CPZ: variants seen among roughly 807,000 people sequenced by gnomAD.
CPZ encodes the protein VEZT/CPZ fusion.
CPZ carries 103 observed loss-of-function variants against 61.8 expected under a neutral mutation model. That is an observed-to-expected ratio of 1.67 (90% confidence interval 1.42 to 1.96). CPZ has a LOEUF of 1.96. Ranked by LOEUF, CPZ falls within the 30% of genes most tolerant of loss-of-function variation. The probability of loss-of-function intolerance (pLI) is 0.00; values close to 1 mark genes in which losing one functional copy is unlikely to be tolerated. For synonymous variants in CPZ, 551 were observed against 373.7 expected (o/e 1.47, Z -5.47); for missense variants, 1,461 against 914.9 (o/e 1.60, Z -7.70).
rs749630231 is a variant in CPZ at position 8,612,084 on chromosome 4, T to C, written c.1285T>C (p.Ser429Pro). Residue 429 changes from serine to proline, a missense_variant, in exon 8 of 11, where the codon TCG becomes CCG. Ser to Pro is a moderately conservative substitution (Grantham distance 74, BLOSUM62 -1). Coordinates refer to ENST00000360986, the MANE Select transcript of CPZ (RefSeq NM_001014447.3). The stretch of plus-strand genomic sequence containing the variant: ...CGTCCACCCCATGATGATGGACAGG[T>C]CGGAGAATAGGTGTGGAGGCAATTT... ...ADVHPMMMDR[S>P]ENRCGGNFLK... is the part of the protein sequence containing the mutation. The C allele has an allele frequency of 3.1e-6, 5 of 1,613,484 alleles. No homozygotes were observed. The highest frequency in any genetic ancestry group is 4.2e-6 in the Non-Finnish European group (5 of 1,179,876).
intron 9 of CPZ, among the ~76,000 whole-genome samples, chr4:8,615,899 C>A (rs893927009): frequency 6.6e-6 from 1 of 152,240 alleles, no homozygotes; most frequent in African/African-American, 2.4e-5. Flanking sequence ...TAAAATGGAA[C>A]ATTCTGCCAT....
intron 8 of CPZ, 111 bp from the exon 9 acceptor site, chr4:8,614,248 G>A (rs890275972): frequency 2.6e-5 from 37 of 1,432,156 alleles, no homozygotes; most frequent in African/African-American, 1.5e-4. Flanking sequence ...CTGTCTCTGC[G>A]CGGCTGACAC....
Position 8,619,240 on chromosome 4 carries a change from T to C in CPZ, c.1604-22T>C, listed in dbSNP as rs1315470430. The C allele has an allele frequency of 1.6e-5, 25 of 1,581,826 alleles. No homozygotes were observed. In the East Asian group the frequency reaches 5.6e-4, roughly 36 times the overall value. ...GGGTCTGCAGTCCTCGTGAGAATCA[T>C]TTTTAATCTATTTGTCCACAGCCCC... On this transcript the variant is annotated intron_variant, in intron 10 of 10. Coordinates refer to ENST00000360986, the MANE Select transcript of CPZ (RefSeq NM_001014447.3).
Position 8,619,617 on chromosome 4 carries a change from G to C in CPZ, c.1959G>C (p.Ter653TyrextTer39). ...GGCCACGCTGGCTGCTCAAGTACTA[G>C]CCCCGGCCCCAGCACCCGCCAGGAT... ...THRPRWLLKY[*>Y] Residue 653 changes from the stop codon to tyrosine (Y), a stop_lost, in exon 11 of 11, where the codon TAG becomes TAC. Coordinates refer to ENST00000360986, the MANE Select transcript of CPZ (RefSeq NM_001014447.3). 1 of 1,487,740 alleles carries C rather than the reference G, an allele frequency of 6.7e-7. No homozygotes were observed. Among genetic ancestry groups the C allele is most frequent in the Non-Finnish European group, 8.9e-7 (1 of 1,120,622 alleles). 92.2% of individuals were successfully genotyped at this position (1,487,740 alleles called of 1,614,324 possible).
At chr4:8,618,618 T>C (rs1365923018) in intron 10 of CPZ, 90 bp downstream of exon 10, 3 of 1,229,586 alleles carry the variant, frequency 2.4e-6, no homozygotes. Context: ...ACTCACAGTG[T>C]GCCCAGCCCT....
chr4:8,613,693 A>G (rs577360916), intron 8 of CPZ, among the ~76,000 whole-genome samples: 3 of 152,310 alleles, frequency 2.0e-5, no homozygotes, highest in African/African-American at 7.2e-5. Flanking sequence ...AAGAAGCTCC[A>G]AGAGCAGATG....
chr4:8,607,556 C>G (rs1715145490), intron 7 of CPZ, 131 bp downstream of exon 7: 4 of 1,012,446 alleles, frequency 4.0e-6, no homozygotes, highest in Non-Finnish European at 5.6e-6. Flanking sequence ...CGGGTCAGCA[C>G]CACCTGCTCC....
chr4:8,607,512 T>C, intron 7 of CPZ, 87 bp downstream of exon 7: 1 of 1,471,998 alleles, frequency 6.8e-7, no homozygotes. Context: ...CTGAGCTCAG[T>C]GAAGGCAAAG....
intron 9 of CPZ, chr4:8,618,219 G>C (rs906548057): frequency 6.9e-6 from 4 of 581,766 alleles, no homozygotes; most frequent in African/African-American, 1.9e-5. Context: ...GAACGTGCTC[G>C]GGTCAATTGC....
intron 7 of CPZ, among the ~76,000 whole-genome samples, chr4:8,610,794 C>T (rs990016448): frequency 1.8e-4 from 28 of 152,146 alleles, no homozygotes; most frequent in Non-Finnish European, 2.9e-5. Flanking sequence ...AACCACAGGG[C>T]CTGAGTGGGG....
chr4:8,604,353 A>G (rs16842643), intron 4 of CPZ, among the ~76,000 whole-genome samples, 165 bp downstream of exon 4: 22,249 of 152,310 alleles, frequency 0.15, 2,095 homozygotes, highest in African/African-American at 0.26. Flanking sequence ...ATGTGCAACC[A>G]CTATATGTAT....
chr4:8,609,153 C>G lies in CPZ; in HGVS notation c.1227+1728C>G, dbSNP rs1366825479. Among the ~76,000 whole-genome samples, 5 of 150,184 alleles carry G rather than the reference C, an allele frequency of 3.3e-5. No homozygotes were observed. In the South Asian group the frequency reaches 1.1e-3, roughly 32 times the overall value. On this transcript the variant is annotated intron_variant, in intron 7 of 10. Transcript: ENST00000360986. ...TCACTCATTTACTCATTCACCCACT[C>G]CCTCACTCATTCACTCACCCATTCA...
At position 8,611,059 on chromosome 4, in the gene CPZ, CTCACTCATTCACTCATTCATTCGCTCAT is replaced by C. The variant is rs879519294; in HGVS notation, c.1228-960_1228-933del. ...TTTCACTTGCTCACGCATTCGCTCACTCACTCATTCACTCATTCATTCGCTCATTCACTCACTCACTCACTCACTCACT... is the reference window on the plus strand; with the variant it reads ...TTTCACTTGCTCACGCATTCGCTCACTCACTCACTCACTCACTCACTCACT... On this transcript the variant is annotated intron_variant, in intron 7 of 10. Coordinates refer to ENST00000360986, the MANE Select transcript of CPZ (RefSeq NM_001014447.3). 4.2e-4 allele frequency: 158 copies of C among 378,544 alleles called. 2 individuals carry two copies. The highest frequency in any genetic ancestry group is 4.0e-4 in the South Asian group (21 of 53,030). The allele number at this position is 378,544 out of a possible 1,614,324, so 23.4% of individuals were successfully genotyped here.
chr4:8,601,494 CG>C lies in CPZ; in HGVS notation c.496+1del. ...EGCYDPLEKLRGGLEADEALP... is the reference protein window; with the variant it reads ...EGCYDPLEKLXGGLEADEALP... ...CTGCTATGACCCGCTGGAGAAGCTT[CG>C]GGGTAAGGGAAAGTGGCGGGGGCCT... On this transcript the variant is annotated frameshift_variant and splice_region_variant, in exon 3 of 11. Coordinates refer to ENST00000360986, the MANE Select transcript of CPZ (RefSeq NM_001014447.3). LOFTEE classifies it high-confidence loss of function. 6.8e-7 allele frequency: 1 copy of C among 1,473,504 alleles called. No individual in the cohort carries two copies. Among genetic ancestry groups the C allele is most frequent in the Non-Finnish European group, 9.0e-7 (1 of 1,110,590 alleles). The allele number at this position is 1,473,504 out of a possible 1,614,324, so 91.3% of individuals were successfully genotyped here.
intron 1 of CPZ, among the ~76,000 whole-genome samples, chr4:8,596,534 A>C (rs1428866471): frequency 6.6e-6 from 1 of 152,166 alleles, no homozygotes; most frequent in Non-Finnish European, 1.5e-5. Context: ...GTCACAGGGG[A>C]TAGTCCTGCT....
intron 7 of CPZ, 47 bp from the exon 8 acceptor site, chr4:8,611,980 G>A (rs766928890): frequency 5.8e-5 from 93 of 1,612,318 alleles, no homozygotes; most frequent in Admixed American, 1.8e-4. Context: ...CTCACAGGAC[G>A]TCCTGCAGGG....
chr4:8,604,255 G>C, intron 4 of CPZ, 67 bp downstream of exon 4: 1 of 1,416,050 alleles, frequency 7.1e-7, no homozygotes. Flanking sequence ...CTCCACCTTC[G>C]GGTGCACAAG....
chr4:8,606,005 G>A lies in CPZ; in HGVS notation c.726G>A (p.Lys242=). ...GQHELMEPEV[K]LIGNIHGNEV... ...TGCCCCCAGTGGAGCCCGAGGTGAAGCTCATCGGCAACATTCATGGCAACG... is the reference window on the plus strand; with the variant it reads ...TGCCCCCAGTGGAGCCCGAGGTGAAACTCATCGGCAACATTCATGGCAACG... Residue 242 remains lysine (K), a synonymous_variant, in exon 5 of 11, where the codon AAG becomes AAA. Coordinates refer to ENST00000360986, the MANE Select transcript of CPZ (RefSeq NM_001014447.3). 1 of 1,613,334 alleles carries A rather than the reference G, an allele frequency of 6.2e-7. No homozygotes were observed. Among genetic ancestry groups the A allele is most frequent in the South Asian group, 1.1e-5 (1 of 91,070 alleles).
intron 1 of CPZ, among the ~76,000 whole-genome samples, chr4:8,599,014 G>T (rs1032911888): frequency 7.9e-5 from 12 of 152,202 alleles, no homozygotes; most frequent in African/African-American, 2.9e-4. Context: ...GAGGGCTCCG[G>T]GGGCTGACAG....
Sources: allele counts gnomAD v4.1 joint callset (sites outside exome capture counted in the v4.1 genomes callset), GRCh38; gene constraint gnomAD v4.1.1; transcripts MANE v1.5; gene names NCBI Gene and HGNC (gene_info 2026-07-23, HGNC 2026-07-21).